The following NPHP1 variants were observed in gnomAD, a reference collection of about 807,000 sequenced individuals.
The protein encoded by NPHP1 is nephrocystin-1.
In NPHP1, 70 loss-of-function variants were observed where a neutral mutation model predicts 90.4. The ratio of observed to expected loss-of-function variants is 0.77; its 90% CI spans 0.64 to 0.95. The LOEUF (loss-of-function observed/expected upper bound fraction) is 0.95, where lower values mean the gene tolerates loss of function less well. Among genes scored for constraint, NPHP1 ranks in the 40% least tolerant of loss-of-function variants. The pLI, the probability that NPHP1 is intolerant of heterozygous loss-of-function variation, is 0.00. For synonymous variants in NPHP1, 256 were observed against 271.7 expected, an observed-to-expected ratio of 0.94 and a Z score of 0.57; for missense variants, 764 against 795.9, an observed-to-expected ratio of 0.96 and a Z score of 0.48.
intron 16 of NPHP1, among the ~76,000 whole-genome samples, chr2:110,137,147 T>A (rs1680262215): frequency 6.6e-6 from 1 of 152,024 alleles, no homozygotes; most frequent in Non-Finnish European, 1.5e-5. Flanking sequence ...CTGGATCCCT[T>A]CCTTACACCT....
intron 16 of NPHP1, among the ~76,000 whole-genome samples, chr2:110,140,022 C>T (rs776946773): frequency 7.9e-5 from 12 of 152,180 alleles, no homozygotes; most frequent in Non-Finnish European, 1.2e-4. Context: ...CAGCACAGCC[C>T]CACCCCGCCC....
intron 2 of NPHP1, among the ~76,000 whole-genome samples, chr2:110,191,856 C>T (rs550722283): frequency 3.9e-5 from 6 of 152,162 alleles, no homozygotes; most frequent in East Asian, 1.9e-4. Context: ...CACCAATATT[C>T]GCTGTTCTGC....
In NPHP1 at chr2:110,123,553, A is replaced by G. The variant is rs897567205; in HGVS notation, c.*238T>C. The G allele has an allele frequency of 2.2e-5, 9 of 416,298 alleles. No individual in the cohort carries two copies. The highest frequency in any genetic ancestry group is 4.0e-5 in the African/African-American group (2 of 50,074). 25.8% of individuals were successfully genotyped at this position (416,298 alleles called of 1,614,324 possible). On this transcript the variant is annotated 3_prime_UTR_variant, in exon 20 of 20. Transcript: ENST00000445609. The stretch of plus-strand genomic sequence containing the variant: ...ATTAACTTAAGTAGCTGTTTTTGAA[A>G]AAATAAATACTGTTTAAATTTAGAT...
intron 2 of NPHP1, chr2:110,184,918 C>T (rs921305425): frequency 1.2e-5 from 8 of 689,566 alleles, no homozygotes; most frequent in South Asian, 2.7e-5. Context: ...TCCTGGTGTT[C>T]GCCATCCAGA....
chr2:110,158,953 C>T (rs904134085), intron 11 of NPHP1, among the ~76,000 whole-genome samples: 6 of 151,792 alleles, frequency 4.0e-5, no homozygotes, highest in Non-Finnish European at 5.9e-5. Flanking sequence ...CCCTTCTATT[C>T]CTAGTTTGTA....
chr2:110,181,151 T>G (rs1321247224), intron 2 of NPHP1, among the ~76,000 whole-genome samples: 2 of 152,174 alleles, frequency 1.3e-5, no homozygotes, highest in African/African-American at 4.8e-5. Context: ...CAGTTCCAAG[T>G]TACCGGGGCA....
At chr2:110,184,726 AAAAG>A (rs1370111045) in intron 2 of NPHP1, 9 of 718,818 alleles carry the variant, frequency 1.3e-5, no homozygotes, top group Non-Finnish European at 2.3e-5. Flanking sequence ...TCAAGGCCAT[AAAAG>A]AAAGACCCTC....
intron 5 of NPHP1, among the ~76,000 whole-genome samples, chr2:110,169,057 T>C (rs977390099): frequency 2.0e-5 from 3 of 152,082 alleles, no homozygotes; most frequent in Admixed American, 2.0e-4. Flanking sequence ...CTCACTCATT[T>C]ATAAAAATAA....
At position 110,201,468 on chromosome 2, in the gene NPHP1, T is replaced by C; in HGVS notation, c.96A>G (p.Gln32=). The stretch of plus-strand genomic sequence containing the variant: ...TATTGGGTTCTAGAGCTTCTTTCAG[T>C]TGGCTCTCAGAAAGCAAACTATCAA... ...QQVDSLLSES[Q]LKEALEPNKR... is the part of the protein sequence containing the mutation. The change falls in exon 2 of 20, where the codon CAA becomes CAG. Residue 32 remains glutamine, a synonymous_variant. Coordinates refer to ENST00000445609, the MANE Select transcript of NPHP1 (RefSeq NM_001128178.3). 6.2e-7 allele frequency: 1 copy of C among 1,610,742 alleles called. No individual in the cohort carries two copies. The highest frequency in any genetic ancestry group is 8.5e-7 in the Non-Finnish European group (1 of 1,177,940).
intron 5 of NPHP1, among the ~76,000 whole-genome samples, chr2:110,168,917 T>C (rs1322222881): frequency 6.6e-6 from 1 of 152,152 alleles, no homozygotes; most frequent in Admixed American, 6.5e-5. Context: ...TGGAAAAGTG[T>C]CTTTCAGAAG....
chr2:110,168,457 G>A lies in NPHP1; in HGVS notation c.619C>T (p.Leu207=). 6.2e-7 allele frequency: 1 copy of A among 1,603,848 alleles called. No individual in the cohort carries two copies. The highest frequency in any genetic ancestry group is 2.2e-5 in the East Asian group (1 of 44,770). The change falls in exon 6 of 20, where the codon CTA becomes TTA. Residue 207 remains leucine, a synonymous_variant. Coordinates refer to ENST00000445609, the MANE Select transcript of NPHP1 (RefSeq NM_001128178.3). ...GNEGLVPRTY[L]EPYSEEEEGQ... is the part of the protein sequence containing the mutation. ...AGGCATAAACCAAGACTAACCTCTAGGTAGGTTCTGGGAACAAGACCTTCA... is the reference window on the plus strand; with the variant it reads ...AGGCATAAACCAAGACTAACCTCTAAGTAGGTTCTGGGAACAAGACCTTCA...
At chr2:110,129,103 A>C in intron 18 of NPHP1, 83 bp downstream of exon 18, 1 of 964,354 alleles carries the variant, frequency 1.0e-6, no homozygotes, top group South Asian at 1.4e-5. Context: ...ACAAAAAAAA[A>C]GGCCTAGACA....
At chr2:110,140,429 AC>A (rs1645958253) in intron 16 of NPHP1, among the ~76,000 whole-genome samples, 1 of 152,084 alleles carries the variant, frequency 6.6e-6, no homozygotes, top group South Asian at 2.1e-4. Context: ...ACCTTTAAGA[AC>A]CCAGCATACA....
chr2:110,204,875 G>A (rs760381997), intron 1 of NPHP1, 25 bp downstream of exon 1: 1 of 1,612,156 alleles, frequency 6.2e-7, no homozygotes, highest in Non-Finnish European at 8.5e-7. Flanking sequence ...CCCGCCCCAG[G>A]GCCCTCTGCA....
intron 8 of NPHP1, chr2:110,164,245 C>T: frequency 2.2e-6 from 1 of 458,102 alleles, no homozygotes; most frequent in Non-Finnish European, 4.0e-6. Flanking sequence ...CTATGTTGCT[C>T]AAGCTGGTCT....
chr2:110,175,658 G>A (rs1683454948), intron 4 of NPHP1, among the ~76,000 whole-genome samples: 1 of 151,968 alleles, frequency 6.6e-6, no homozygotes, highest in Non-Finnish European at 1.5e-5. Context: ...GTTTTCGGTA[G>A]TTTGAGGTAC....
intron 2 of NPHP1, 125 bp downstream of exon 2, chr2:110,201,296 T>C: frequency 1.3e-6 from 1 of 743,004 alleles, no homozygotes; most frequent in Non-Finnish European, 2.3e-6. Context: ...TTCTTCTACA[T>C]TCAACTTACA....
At chr2:110,190,611 C>T (rs538125145) in intron 2 of NPHP1, among the ~76,000 whole-genome samples, 102 of 152,312 alleles carry the variant, frequency 6.7e-4, no homozygotes, top group South Asian at 2.9e-3. Context: ...GAGCTGGCTC[C>T]GGCCTTGGCC....
intron 18 of NPHP1, chr2:110,126,021 A>G: frequency 3.0e-6 from 1 of 331,336 alleles, no homozygotes; most frequent in Middle Eastern, 9.5e-4. Flanking sequence ...CAAGTAAGAC[A>G]GTAATGAAAA....
Sources: gnomAD v4.1 joint callset for allele counts (sites outside exome capture counted in the v4.1 genomes callset) on GRCh38, gnomAD v4.1.1 for gene constraint, MANE v1.5 for transcripts, NCBI Gene and HGNC (gene_info 2026-07-23, HGNC 2026-07-21) for gene names.